The following TANC2 variants were observed in gnomAD, a reference collection of about 807,000 sequenced individuals.
TANC2 encodes the protein protein TANC2.
A neutral mutation model predicts 210.5 loss-of-function variants in TANC2; 26 were observed. The observed-to-expected ratio is 0.12, with a 90% confidence interval of 0.09 to 0.17. The LOEUF is 0.17. Among genes scored for constraint, TANC2 ranks in the 10% least tolerant of loss-of-function variants. TANC2 has a pLI of 1.00. For missense variants in TANC2, 2,129 were observed against 2,608.9 expected (o/e 0.82, Z 4.01); for synonymous variants, 931 against 967.1 (o/e 0.96, Z 0.69).
chr17:63,354,870 A>G (rs1567946045), exon 14 of TANC2: 1 of 1,613,756 alleles, frequency 6.2e-7, no homozygotes, highest in East Asian at 2.2e-5. Flanking sequence ...GCAGGCTTAC[A>G]TCCTGCACCG....
intron 2 of TANC2, among the ~76,000 whole-genome samples, chr17:63,062,589 G>A (rs991076921): frequency 2.0e-5 from 3 of 151,942 alleles, no homozygotes; most frequent in African/African-American, 4.8e-5. Context: ...TGTATTTTCC[G>A]GTGAGTTGCA....
At chr17:63,358,914 A>C (rs565744813) in intron 14 of TANC2, among the ~76,000 whole-genome samples, 1 of 147,748 alleles carries the variant, frequency 6.8e-6, no homozygotes, top group Admixed American at 6.8e-5. Context: ...TCTATTCCTC[A>C]TTTTCTCAAT....
intron 4 of TANC2, among the ~76,000 whole-genome samples, chr17:63,135,571 G>A (rs1186056890): frequency 6.6e-6 from 1 of 151,772 alleles, no homozygotes; most frequent in Non-Finnish European, 1.5e-5. Flanking sequence ...TTTAAAAATA[G>A]GAAGGCCATA....
intron 9 of TANC2, among the ~76,000 whole-genome samples, chr17:63,307,806 C>T (rs909928550): frequency 6.6e-6 from 1 of 152,082 alleles, no homozygotes; most frequent in Non-Finnish European, 1.5e-5. Flanking sequence ...CGCTCTGTTG[C>T]CCAGGCAGGA....
chr17:63,117,554 T>TG (rs2038299242), intron 4 of TANC2, among the ~76,000 whole-genome samples: 2 of 152,230 alleles, frequency 1.3e-5, no homozygotes, highest in African/African-American at 4.8e-5. Flanking sequence ...TCTTGTGCTT[T>TG]GGGACCATAA....
chr17:63,161,310 C>T (rs544550500), intron 5 of TANC2, among the ~76,000 whole-genome samples: 2 of 151,926 alleles, frequency 1.3e-5, no homozygotes, highest in Admixed American at 1.3e-4. Flanking sequence ...TGCAGTGAGC[C>T]GATATCAAGC....
intron 4 of TANC2, among the ~76,000 whole-genome samples, chr17:63,142,551 C>T (rs970141359): frequency 9.9e-5 from 15 of 152,024 alleles, no homozygotes; most frequent in African/African-American, 3.4e-4. Flanking sequence ...ATTAAATTCT[C>T]GTTTCATCAT....
chr17:63,144,501 T>C (rs1021279570), intron 4 of TANC2, among the ~76,000 whole-genome samples: 11 of 152,192 alleles, frequency 7.2e-5, no homozygotes, highest in African/African-American at 2.7e-4. Context: ...TACAATAATA[T>C]ACATTCACAT....
In TANC2 at chr17:63,288,518, G is replaced by A. The variant is rs190475984; in HGVS notation, c.1159+20645G>A. The stretch of plus-strand genomic sequence containing the variant: ...CCCTTGTTGGGTAAAGTCATCTATG[G>A]ATGTCAGTTATATTCAGGTATTTGA... On this transcript the variant is annotated intron_variant, in intron 9 of 27. Transcript: ENST00000689528. Among the ~76,000 whole-genome samples, 440 of 152,188 alleles carry A rather than the reference G, an allele frequency of 2.9e-3. 1 individual carries two copies. The highest frequency in any genetic ancestry group is 0.01 in the African/African-American group (422 of 41,520).
intron 2 of TANC2, among the ~76,000 whole-genome samples, chr17:63,028,804 T>C (rs1270232683): frequency 6.6e-6 from 1 of 152,122 alleles, no homozygotes; most frequent in Admixed American, 6.6e-5. Context: ...TCAATAACTT[T>C]CTACTGAAAT....
intron 2 of TANC2, among the ~76,000 whole-genome samples, chr17:63,071,736 A>G (rs1410147535): frequency 6.6e-6 from 1 of 152,184 alleles, no homozygotes. Context: ...CTAAGTCTTC[A>G]TAACCTGCTT....
chr17:62,993,881 C>G (rs2032984526), intron 1 of TANC2, among the ~76,000 whole-genome samples: 1 of 152,172 alleles, frequency 6.6e-6, no homozygotes, highest in African/African-American at 2.4e-5. Context: ...GTGAGCCATG[C>G]TCATGCCACG....
chr17:62,987,411 G>A (rs1386962363), intron 1 of TANC2, among the ~76,000 whole-genome samples: 1 of 152,164 alleles, frequency 6.6e-6, no homozygotes, highest in Non-Finnish European at 1.5e-5. Flanking sequence ...TTCACAGAGC[G>A]TGAATGGGGG....
chr17:63,143,599 A>C (rs1323093602), intron 4 of TANC2, among the ~76,000 whole-genome samples: 1 of 152,162 alleles, frequency 6.6e-6, no homozygotes, highest in East Asian at 1.9e-4. Flanking sequence ...GTTATAATAC[A>C]TGTTTTGAAA....
chr17:63,266,852 T>G (rs1194073535), intron 8 of TANC2, among the ~76,000 whole-genome samples: 1 of 152,050 alleles, frequency 6.6e-6, no homozygotes, highest in Non-Finnish European at 1.5e-5. Context: ...TTTTGTGGTG[T>G]TATTGTTGTT....
In TANC2 at chr17:63,412,554, T is replaced by C. The variant is rs993710505; in HGVS notation, c.3899-126T>C. On this transcript the variant is annotated intron_variant, in intron 23 of 27. Transcript: ENST00000689528. This position sits in a 1 kb window ranked among gnomAD's most constrained non-coding sequence, Gnocchi z 4.2. ...AAGCCCACAGACCTATAGACGAGGG[T>C]TGGCTGATATGCTGGCTTTGTGCTG... 2.8e-5 allele frequency: 25 copies of C among 887,794 alleles called. No homozygotes were observed. Among genetic ancestry groups the C allele is most frequent in the Non-Finnish European group, 4.0e-5 (23 of 570,754 alleles). 55.0% of individuals were successfully genotyped at this position (887,794 alleles called of 1,614,324 possible). A position where few individuals can be genotyped will look rare whatever the true frequency, so the allele number is the denominator to read the frequency against.
rs568810701 is a variant in TANC2, at chr17:63,177,324, TTTA to T, written c.434-16661_434-16659del. On this transcript the variant is annotated intron_variant, in intron 5 of 27. Transcript: ENST00000689528. ...ATTGTATATGTTATATAGGTAATAG[TTTA>T]TTATTTGCCAATTATAGTTTTAGAA... 3.8e-3 allele frequency among the ~76,000 whole-genome samples: 574 copies of T among 150,630 alleles called. 4 individuals are homozygous for T. Among genetic ancestry groups the T allele is most frequent in the African/African-American group, 0.014 (555 of 40,844 alleles).
chr17:63,055,596 A>G (rs561806151), intron 2 of TANC2, among the ~76,000 whole-genome samples: 1 of 150,874 alleles, frequency 6.6e-6, no homozygotes, highest in Non-Finnish European at 1.5e-5. Flanking sequence ...TACATACATA[A>G]CTCTATTCTA....
At position 63,412,441 on chromosome 17, in the gene TANC2, T is replaced by C. The variant is rs1052313743; in HGVS notation, c.3899-239T>C. On this transcript the variant is annotated intron_variant, in intron 23 of 27. Coordinates refer to ENST00000689528, the Ensembl canonical transcript of TANC2. The surrounding 1 kb of genome is among the most constrained non-coding windows in gnomAD (Gnocchi z 4.2). ...AGCCCCACTCTATCAGCATCCTGGA[T>C]CTCTGCGCTGCCGTGAGCCTTTGCT... 6.6e-6 allele frequency among the ~76,000 whole-genome samples: 1 copy of C among 152,108 alleles called. No homozygotes were observed. The highest frequency in any genetic ancestry group is 1.5e-5 in the Non-Finnish European group (1 of 68,008).
Sources: allele counts gnomAD v4.1 joint callset (sites outside exome capture counted in the v4.1 genomes callset), GRCh38; gene constraint gnomAD v4.1.1; non-coding constraint Gnocchi (gnomAD v3.1); transcripts MANE v1.5; gene names NCBI Gene and HGNC (gene_info 2026-07-23, HGNC 2026-07-21).